The following NCOA3 variants were observed in gnomAD, a reference collection of about 807,000 sequenced individuals.
NCOA3 encodes CBP-interacting protein.
Under a neutral mutation model 158.8 loss-of-function variants are expected in NCOA3, and 51 were observed. That is an observed-to-expected ratio of 0.32 (90% CI 0.26 to 0.41). The LOEUF is 0.41. NCOA3 is among the 10% of genes least tolerant of loss of function. The probability of loss-of-function intolerance (pLI) is 1.00; values close to 1 mark genes in which losing one functional copy is unlikely to be tolerated. For synonymous variants in NCOA3, 537 were observed against 592.4 expected (o/e 0.91, Z 1.36); for missense variants, 1,510 against 1,746.6 (o/e 0.86, Z 2.41).
chr20:47,652,412 GACA>G lies in NCOA3; in HGVS notation c.3959_3961del (p.Gln1320del), dbSNP rs758623577. 4 of 1,596,824 alleles carry G rather than the reference GACA, an allele frequency of 2.5e-6. No individual in the cohort carries two copies. The highest frequency in any genetic ancestry group is 1.1e-5 in the South Asian group (1 of 90,590). On this transcript the variant is annotated inframe_deletion, in exon 21 of 23. Transcript: ENST00000371998. ...TCTGTTTTATTTTTGTAAGGAATGG[GACA>G]ACAACCAGATCCAGCCTTTGGTCGA...
At chr20:47,645,305 C>A (rs1230707397) in intron 17 of NCOA3, among the ~76,000 whole-genome samples, 2 of 151,940 alleles carry the variant, frequency 1.3e-5, no homozygotes, top group African/African-American at 4.8e-5. Context: ...AGGTAGTTGA[C>A]CTCCTGCTCT....
intron 1 of NCOA3, among the ~76,000 whole-genome samples, chr20:47,518,543 A>G (rs2084272831): frequency 6.7e-6 from 1 of 149,734 alleles, no homozygotes; most frequent in Non-Finnish European, 1.5e-5. Flanking sequence ...CTCCTGCCTC[A>G]GCCTCCCGAG....
intron 1 of NCOA3, among the ~76,000 whole-genome samples, chr20:47,572,876 C>T (rs2085315906): frequency 6.6e-6 from 1 of 152,046 alleles, no homozygotes; most frequent in South Asian, 2.1e-4. Context: ...ATGTGCATTT[C>T]TTCCTTTTAC....
At chr20:47,544,634 ACTT>A (rs1440215417) in intron 1 of NCOA3, among the ~76,000 whole-genome samples, 2 of 151,904 alleles carry the variant, frequency 1.3e-5, no homozygotes, top group African/African-American at 2.4e-5. Context: ...TTACCTAGTA[ACTT>A]CTTTTTCTTC....
At chr20:47,556,801 G>A (rs2085015313) in intron 1 of NCOA3, among the ~76,000 whole-genome samples, 1 of 152,082 alleles carries the variant, frequency 6.6e-6, no homozygotes. Context: ...CTCAAAAGAT[G>A]GTGGACATCA....
intron 12 of NCOA3, 69 bp from the exon 13 acceptor site, chr20:47,637,579 C>A (rs777554066): frequency 2.8e-5 from 34 of 1,234,978 alleles, no homozygotes; most frequent in Non-Finnish European, 3.7e-5. Flanking sequence ...ATCATTTTTT[C>A]TGATGGGTAT....
rs1401984326 is a variant in NCOA3 at position 47,649,123 on chromosome 20, G to C, written c.3651+14G>C. ...GTGAGCTCCCAGGTGAGGATGATAA[G>C]CCTCTCCACATGCATTGCTCTGTGC... On this transcript the variant is annotated intron_variant, in intron 19 of 22. Transcript: ENST00000371998. The C allele has an allele frequency of 3.8e-6, 6 of 1,566,162 alleles. No homozygotes were observed. The South Asian group carries it at 5.6e-5, about 15-fold the overall frequency.
Position 47,639,600 on chromosome 20 carries a change from G to A in NCOA3, c.2731G>A (p.Val911Met), listed in dbSNP as rs777681591. 4 of 1,613,716 alleles carry A rather than the reference G, an allele frequency of 2.5e-6. No individual in the cohort carries two copies. The highest frequency in any genetic ancestry group is 2.2e-5 in the South Asian group (2 of 91,058). The part of the protein sequence containing the change: ...SMGGPNRNVT[V>M]TQTPSSGDWG... Reference sequence around the variant, plus strand: ...AGGTGGGCCAAACCGAAATGTGACTGTGACTCAGACTCCTTCCTCAGGAGA... The same window carrying A: ...AGGTGGGCCAAACCGAAATGTGACTATGACTCAGACTCCTTCCTCAGGAGA... Residue 911 changes from valine (V) to methionine (M), a missense_variant, in exon 15 of 23, where the codon GTG becomes ATG. Coordinates refer to ENST00000371998, the MANE Select transcript of NCOA3 (RefSeq NM_181659.3).
At chr20:47,558,188 A>G (rs1427642027) in intron 1 of NCOA3, among the ~76,000 whole-genome samples, 1 of 138,332 alleles carries the variant, frequency 7.2e-6, no homozygotes, top group Non-Finnish European at 1.5e-5. Context: ...CCTCCCGAGT[A>G]GCTAGGATTA....
chr20:47,653,526 G>GT lies in NCOA3; in HGVS notation c.*109_*110insT. The GT allele has an allele frequency of 7.8e-7, 1 of 1,290,090 alleles. No individual in the cohort carries two copies. Among genetic ancestry groups the GT allele is most frequent in the Non-Finnish European group, 1.1e-6 (1 of 908,206 alleles). 79.9% of individuals were successfully genotyped at this position (1,290,090 alleles called of 1,614,324 possible). On this transcript the variant is annotated 3_prime_UTR_variant, in exon 23 of 23. Transcript: ENST00000371998. ...GCATCCATCTTGGAAGAAAGGACCA[G>GT]CTTTGAGCTCCATCAAGGGTATTTT...
chr20:47,645,942 C>T (rs964262670), intron 17 of NCOA3, among the ~76,000 whole-genome samples: 2 of 152,066 alleles, frequency 1.3e-5, no homozygotes, highest in Non-Finnish European at 2.9e-5. Flanking sequence ...ACTTGGTGGT[C>T]ACACGTGTTT....
At chr20:47,585,412 G>A (rs1202769298) in intron 2 of NCOA3, among the ~76,000 whole-genome samples, 2 of 152,068 alleles carry the variant, frequency 1.3e-5, no homozygotes, top group African/African-American at 2.4e-5. Context: ...TCTAGTTGCC[G>A]AGAAAACAAT....
intron 5 of NCOA3, among the ~76,000 whole-genome samples, chr20:47,626,462 T>C (rs1009194320): frequency 6.6e-6 from 1 of 152,140 alleles, no homozygotes; most frequent in Non-Finnish European, 1.5e-5. Flanking sequence ...GCTGAACATA[T>C]TTATGTACAC....
At chr20:47,550,022 G>A (rs1366103502) in intron 1 of NCOA3, among the ~76,000 whole-genome samples, 2 of 151,870 alleles carry the variant, frequency 1.3e-5, no homozygotes, top group East Asian at 1.9e-4. Context: ...AACTTTTTAA[G>A]TTGGCCTGAG....
intron 1 of NCOA3, among the ~76,000 whole-genome samples, chr20:47,546,063 A>G (rs774989690): frequency 2.6e-5 from 4 of 152,072 alleles, no homozygotes; most frequent in African/African-American, 7.2e-5. Context: ...CCTCACTTGT[A>G]TATCCAACTG....
At chr20:47,641,618 C>A (rs910940764) in intron 16 of NCOA3, among the ~76,000 whole-genome samples, 5 of 150,620 alleles carry the variant, frequency 3.3e-5, no homozygotes, top group African/African-American at 1.2e-4. Context: ...CCCGCCTCAG[C>A]CTCCCGACTA....
intron 1 of NCOA3, among the ~76,000 whole-genome samples, chr20:47,546,610 C>T (rs1360446088): frequency 6.6e-6 from 1 of 151,032 alleles, no homozygotes; most frequent in Non-Finnish European, 1.5e-5. Context: ...TGGCTCACTG[C>T]AACCTCCGCC....
At chr20:47,634,652 T>TA (rs1311812212) in intron 10 of NCOA3, among the ~76,000 whole-genome samples, 3 of 152,216 alleles carry the variant, frequency 2.0e-5, no homozygotes, top group Admixed American at 2.0e-4. Flanking sequence ...AAGCCCTAGA[T>TA]AATGTGGCAA....
At chr20:47,566,487 C>G (rs547477490) in intron 1 of NCOA3, among the ~76,000 whole-genome samples, 1 of 152,082 alleles carries the variant, frequency 6.6e-6, no homozygotes, top group African/African-American at 2.4e-5. Context: ...TTTCTTCTCC[C>G]TCTTCTTCCC....
Sources: allele counts gnomAD v4.1 joint callset (sites outside exome capture counted in the v4.1 genomes callset), GRCh38; gene constraint gnomAD v4.1.1; transcripts MANE v1.5; gene names NCBI Gene and HGNC (gene_info 2026-07-23, HGNC 2026-07-21).